LSAMP: variants seen among roughly 807,000 people sequenced by gnomAD.
LSAMP encodes the protein limbic system-associated membrane protein.
LSAMP carries 7 observed loss-of-function variants against 38.6 expected under a neutral mutation model. The observed-to-expected ratio is 0.18, with a 90% CI of 0.10 to 0.34. The LOEUF (loss-of-function observed/expected upper bound fraction) is 0.34, where lower values mean the gene tolerates loss of function less well. LSAMP is among the 10% of genes least tolerant of loss of function. LSAMP has a pLI of 1.00. For missense variants in LSAMP, 313 were observed against 420.0 expected (o/e 0.75, Z 2.23); for synonymous variants, 154 against 166.8 (o/e 0.92, Z 0.59).
chr3:116,192,391 A>T (rs2107582692), intron 1 of LSAMP, among the ~76,000 whole-genome samples: 1 of 152,264 alleles, frequency 6.6e-6, no homozygotes, highest in Non-Finnish European at 1.5e-5. Context: ...TTCTTTAATC[A>T]CTTGCTTCCC....
intron 1 of LSAMP, among the ~76,000 whole-genome samples, chr3:116,255,489 A>G (rs1576463092): frequency 7.5e-6 from 1 of 134,194 alleles, no homozygotes; most frequent in African/African-American, 2.6e-5. Flanking sequence ...ATTTTGAAAC[A>G]TGTGTATTTA....
intron 1 of LSAMP, among the ~76,000 whole-genome samples, chr3:116,170,877 T>C (rs1710180875): frequency 1.3e-5 from 2 of 152,170 alleles, no homozygotes; most frequent in African/African-American, 4.8e-5. Flanking sequence ...ATTACTTTGC[T>C]GTCTCTGTGG....
chr3:116,144,416 G>A lies in LSAMP; in HGVS notation c.156-57860C>T, dbSNP rs575929590. ...TGCATGCCAAAGGTCCCAGCTACTT[G>A]GGGAGCTGAGGTGATATGATCATCT... On this transcript the variant is annotated intron_variant, in intron 1 of 6. Coordinates refer to ENST00000490035, the MANE Select transcript of LSAMP (RefSeq NM_002338.5). Among the ~76,000 whole-genome samples, 8 of 151,936 alleles carry A rather than the reference G, an allele frequency of 5.3e-5. No homozygotes were observed. In the South Asian group the frequency reaches 1.7e-3, roughly 32 times the overall value.
At chr3:115,839,262 T>TTTCTTTCC (rs1934909213) in intron 6 of LSAMP, among the ~76,000 whole-genome samples, 1 of 78,630 alleles carries the variant, frequency 1.3e-5, no homozygotes, top group Non-Finnish European at 2.4e-5. Flanking sequence ...TCCTTCTTTC[T>TTTCTTTCC]TTCCTTCCTT....
intron 6 of LSAMP, among the ~76,000 whole-genome samples, chr3:115,834,877 A>ATTTTAGATTTTTT (rs1934733310): frequency 1.3e-5 from 2 of 152,028 alleles, no homozygotes; most frequent in Non-Finnish European, 2.9e-5. Context: ...ACTGGAAAAA[A>ATTTTAGATTTTTT]CCCACCACCA....
chr3:116,224,177 C>T (rs1489739133), intron 1 of LSAMP, among the ~76,000 whole-genome samples: 1 of 152,188 alleles, frequency 6.6e-6, no homozygotes, highest in Non-Finnish European at 1.5e-5. Context: ...GCCAGGTTAG[C>T]TGTTTCAAGG....
At chr3:116,154,821 T>G (rs1423626155) in intron 1 of LSAMP, among the ~76,000 whole-genome samples, 1 of 152,130 alleles carries the variant, frequency 6.6e-6, no homozygotes, top group Non-Finnish European at 1.5e-5. Context: ...GAAAAAAACC[T>G]TAGAGCTTTT....
chr3:116,355,517 A>G (rs1248292899), intron 1 of LSAMP, among the ~76,000 whole-genome samples: 7 of 152,190 alleles, frequency 4.6e-5, no homozygotes, highest in Admixed American at 4.6e-4. Flanking sequence ...TCTCCACAAC[A>G]TTGGCTTGGG....
chr3:115,837,322 T>C (rs1422479641), intron 6 of LSAMP, among the ~76,000 whole-genome samples: 1 of 150,812 alleles, frequency 6.6e-6, no homozygotes, highest in African/African-American at 2.4e-5. Context: ...TATTCTTTTG[T>C]ACTCAAAAGC....
intron 1 of LSAMP, among the ~76,000 whole-genome samples, chr3:116,337,829 T>A (rs909602183): frequency 2.0e-5 from 3 of 152,054 alleles, no homozygotes; most frequent in Non-Finnish European, 2.9e-5. Flanking sequence ...TCATTACAAA[T>A]TCTGATTCTA....
chr3:115,859,436 GGA>G (rs1334782534), intron 3 of LSAMP, among the ~76,000 whole-genome samples: 5 of 140,340 alleles, frequency 3.6e-5, no homozygotes, highest in Non-Finnish European at 8.0e-5. Flanking sequence ...GGAAATGAAA[GGA>G]GAGAGAGTTT....
intron 6 of LSAMP, among the ~76,000 whole-genome samples, chr3:115,839,994 C>T (rs1934944499): frequency 1.3e-5 from 2 of 152,230 alleles, no homozygotes; most frequent in African/African-American, 2.4e-5. Context: ...TCCATGACCA[C>T]GAGCAGTATC....
At chr3:116,293,562 A>G (rs187471074) in intron 1 of LSAMP, among the ~76,000 whole-genome samples, 78 of 152,318 alleles carry the variant, frequency 5.1e-4, no homozygotes, top group Non-Finnish European at 7.1e-4. Flanking sequence ...AGAGGTGACT[A>G]GTGAAATAAT....
chr3:115,912,121 T>C (rs1276727056), intron 3 of LSAMP, among the ~76,000 whole-genome samples: 1 of 152,214 alleles, frequency 6.6e-6, no homozygotes, highest in East Asian at 1.9e-4. Flanking sequence ...TTCATCCTTT[T>C]CACAGGTCTT....
Position 115,884,483 on chromosome 3 carries a change from T to C in LSAMP, c.515-31866A>G, listed in dbSNP as rs552960037. On this transcript the variant is annotated intron_variant, in intron 3 of 6. Transcript: ENST00000490035. ...ATTCTAATTCAATTCAAATTCAATC[T>C]GAAATTAATGCTGTTGGATTGGCAA... Among the ~76,000 whole-genome samples, 7 of 152,182 alleles carry C rather than the reference T, an allele frequency of 4.6e-5. No individual in the cohort carries two copies. In the South Asian group the frequency reaches 1.5e-3, roughly 32 times the overall value.
chr3:116,408,096 T>G (rs916962874), intron 1 of LSAMP, among the ~76,000 whole-genome samples: 1 of 152,060 alleles, frequency 6.6e-6, no homozygotes, highest in African/African-American at 2.4e-5. Context: ...GAGAAATATG[T>G]TCTTGGAGGA....
chr3:115,992,808 A>C (rs1382663596), intron 3 of LSAMP, among the ~76,000 whole-genome samples: 1 of 152,070 alleles, frequency 6.6e-6, no homozygotes, highest in Non-Finnish European at 1.5e-5. Flanking sequence ...CATTGATATG[A>C]CTGCTCATTA....
At chr3:115,811,277 A>G (rs13320446) in intron 6 of LSAMP, among the ~76,000 whole-genome samples, 3,592 of 152,154 alleles carry the variant, frequency 0.024, 143 homozygotes, top group African/African-American at 0.083. Flanking sequence ...GATGGATAGG[A>G]AGCTGGAGAA....
chr3:115,845,589 T>C (rs760793584), intron 4 of LSAMP, among the ~76,000 whole-genome samples: 5 of 152,170 alleles, frequency 3.3e-5, no homozygotes, highest in African/African-American at 4.8e-5. Flanking sequence ...TTTCTCCATG[T>C]CAGAAGGCTT....
Sources: allele counts gnomAD v4.1 joint callset (sites outside exome capture counted in the v4.1 genomes callset), GRCh38; gene constraint gnomAD v4.1.1; transcripts MANE v1.5; gene names NCBI Gene and HGNC (gene_info 2026-07-23, HGNC 2026-07-21).